Variants in CDH7 observed in about 807,000 individuals in gnomAD.
CDH7 encodes cadherin 7, also known as cadherin-7.
CDH7 carries 25 observed loss-of-function variants against 71.8 expected under a neutral mutation model. The ratio of observed to expected loss-of-function variants is 0.35; its 90% CI spans 0.25 to 0.49. CDH7 has a LOEUF of 0.49. CDH7 is among the 20% of genes least tolerant of loss of function. The pLI, the probability that CDH7 is intolerant of heterozygous loss-of-function variation, is 0.99. For synonymous variants in CDH7, 381 were observed against 363.8 expected, an observed-to-expected ratio of 1.05 and a Z score of -0.54; for missense variants, 862 against 974.6, an observed-to-expected ratio of 0.88 and a Z score of 1.54.
chr18:65,879,037 A>G (rs1030429233), intron 11 of CDH7, among the ~76,000 whole-genome samples: 1 of 152,192 alleles, frequency 6.6e-6, no homozygotes, highest in African/African-American at 2.4e-5. Context: ...GCCAACAGAC[A>G]TTTAAGAAAG....
chr18:65,751,040 A>T lies in CDH7; in HGVS notation c.-307A>T, dbSNP rs955038723. 15 of 152,188 alleles carry T rather than the reference A, an allele frequency of 9.9e-5. No homozygotes were observed. The highest frequency in any genetic ancestry group is 2.9e-5 in the Non-Finnish European group (2 of 68,068). The allele number at this position is 152,188 out of a possible 1,614,324, so 9.4% of individuals were successfully genotyped here. A position where few individuals can be genotyped will look rare whatever the true frequency, so the allele number is the denominator to read the frequency against. On this transcript the variant is annotated 5_prime_UTR_variant, in exon 1 of 12. Coordinates refer to ENST00000397968, the MANE Select transcript of CDH7 (RefSeq NM_004361.5). ...CTGCCCCGCGCGCGGAGCTGCGCGC[A>T]CTGGGTCCCCAAGAGCCCGCGGGCG...
At chr18:65,781,844 T>TCTCTCTCTGTCTCTCTCTC (rs1910233851) in intron 2 of CDH7, among the ~76,000 whole-genome samples, 2 of 98,314 alleles carry the variant, frequency 2.0e-5, no homozygotes, top group African/African-American at 1.3e-4. Flanking sequence ...CTTTCTTTCT[T>TCTCTCTCTGTCTCTCTCTC]TCTTTCTTTC....
intron 2 of CDH7, among the ~76,000 whole-genome samples, chr18:65,808,755 A>G (rs1202851798): frequency 1.3e-5 from 2 of 152,110 alleles, no homozygotes; most frequent in Non-Finnish European, 2.9e-5. Flanking sequence ...AGGGCAGTGA[A>G]AAGCTTTATT....
chr18:65,822,150 C>G lies in CDH7; in HGVS notation c.695C>G (p.Ala232Gly). 1 of 1,612,344 alleles carries G rather than the reference C, an allele frequency of 6.2e-7. No individual in the cohort carries two copies. Among genetic ancestry groups the G allele is most frequent in the Non-Finnish European group, 8.5e-7 (1 of 1,178,534 alleles). ...GACCAGTATTTGCTTGTCATTCAGG[C>G]AAAGGATATGGTTGGTCAAAATGGA... is the stretch of plus-strand genomic sequence containing the variant. ...AKDQYLLVIQ[A>G]KDMVGQNGGL... is the part of the protein sequence containing the mutation. Residue 232 changes from alanine (A) to glycine (G), a missense_variant, in exon 5 of 12, where the codon GCA (alanine) becomes GGA (glycine). Physicochemically the swap from Ala to Gly is moderately conservative, Grantham distance 60 (BLOSUM62 0). Coordinates refer to ENST00000397968, the MANE Select transcript of CDH7 (RefSeq NM_004361.5).
intron 7 of CDH7, among the ~76,000 whole-genome samples, chr18:65,855,151 C>G (rs958402624): frequency 6.6e-6 from 1 of 151,966 alleles, no homozygotes; most frequent in African/African-American, 2.4e-5. Flanking sequence ...ATTATTTTCT[C>G]TCTACTGTCC....
In CDH7 at chr18:65,785,523, G is replaced by A. The variant is rs145267950; in HGVS notation, c.210+22471G>A. Among the ~76,000 whole-genome samples, 1,281 of 151,652 alleles carry A rather than the reference G, an allele frequency of 8.4e-3. 13 individuals carry two copies. Among genetic ancestry groups the A allele is most frequent in the African/African-American group, 0.03 (1,231 of 41,326 alleles). On this transcript the variant is annotated intron_variant, in intron 2 of 11. Transcript: ENST00000397968. ...AAGGTACATTAACAATAAATTCTTAGCCTGCATTCTAAGACAGCTCTGCCC... is the reference window on the plus strand; with the variant it reads ...AAGGTACATTAACAATAAATTCTTAACCTGCATTCTAAGACAGCTCTGCCC...
intron 2 of CDH7, among the ~76,000 whole-genome samples, chr18:65,776,200 C>T (rs147329986): frequency 1.3e-5 from 2 of 151,984 alleles, no homozygotes; most frequent in East Asian, 1.9e-4. Context: ...TTACCTGGGA[C>T]CACAGGTGCA....
At chr18:65,823,921 G>T (rs552883193) in intron 5 of CDH7, among the ~76,000 whole-genome samples, 1 of 151,946 alleles carries the variant, frequency 6.6e-6, no homozygotes, top group African/African-American at 2.4e-5. Flanking sequence ...GAGTGATGTA[G>T]TTCATGTATT....
At position 65,857,927 on chromosome 18, in the gene CDH7, T is replaced by C. The variant is rs1913423178; in HGVS notation, c.1347T>C (p.Asn449=). 20 of 1,613,446 alleles carry C rather than the reference T, an allele frequency of 1.2e-5. No homozygotes were observed. Among genetic ancestry groups the C allele is most frequent in the Non-Finnish European group, 1.6e-5 (19 of 1,179,684 alleles). ...ATCGAGAGACAAATGCTATTCACAA[T>C]ATCACAGTCCTTGCAATGGAGAGCC... ...SLDRETNAIH[N]ITVLAMESQN... is the part of the protein sequence containing the mutation. The change falls in exon 8 of 12, where the codon AAT becomes AAC. Residue 449 remains asparagine (N), a synonymous_variant. Coordinates refer to ENST00000397968, the MANE Select transcript of CDH7 (RefSeq NM_004361.5).
At chr18:65,776,671 A>C (rs2143818490) in intron 2 of CDH7, among the ~76,000 whole-genome samples, 1 of 152,188 alleles carries the variant, frequency 6.6e-6, no homozygotes, top group South Asian at 2.1e-4. Flanking sequence ...TCAGAACTTC[A>C]TTGAATCATC....
intron 6 of CDH7, among the ~76,000 whole-genome samples, chr18:65,831,935 A>C (rs967559175): frequency 2.0e-5 from 3 of 152,144 alleles, no homozygotes; most frequent in African/African-American, 7.2e-5. Context: ...TTGGTCTCCC[A>C]GTCCCTTCTC....
chr18:65,778,813 C>G (rs1340291395), intron 2 of CDH7, among the ~76,000 whole-genome samples: 1 of 151,682 alleles, frequency 6.6e-6, no homozygotes, highest in East Asian at 1.9e-4. Context: ...ATGTTCATAG[C>G]AGCACGTCCC....
intron 11 of CDH7, among the ~76,000 whole-genome samples, chr18:65,867,713 G>A (rs1468019204): frequency 6.6e-6 from 1 of 152,188 alleles, no homozygotes; most frequent in Non-Finnish European, 1.5e-5. Flanking sequence ...GGGTGTTTCT[G>A]TACTTGGACT....
chr18:65,771,006 C>CT (rs1916526761), intron 2 of CDH7, among the ~76,000 whole-genome samples: 1 of 152,110 alleles, frequency 6.6e-6, no homozygotes, highest in African/African-American at 2.4e-5. Context: ...GTGCTCTTGG[C>CT]TTGAGGACAG....
chr18:65,844,179 A>ATATATATATATATATATATATATATATC (rs1912852862), intron 7 of CDH7, 114 bp downstream of exon 7: 1 of 254,874 alleles, frequency 3.9e-6, no homozygotes, highest in Non-Finnish European at 7.1e-6. Flanking sequence ...AACCAGATAT[A>ATATATATATATATATATATATATATATC]TATATATATC....
At chr18:65,765,549 G>A (rs1916332946) in intron 2 of CDH7, among the ~76,000 whole-genome samples, 1 of 151,366 alleles carries the variant, frequency 6.6e-6, no homozygotes, top group Non-Finnish European at 1.5e-5. Context: ...AGAAGAAGAT[G>A]TGAAGAAATG....
intron 1 of CDH7, among the ~76,000 whole-genome samples, chr18:65,752,383 A>G (rs886796919): frequency 2.0e-5 from 3 of 152,246 alleles, no homozygotes; most frequent in Non-Finnish European, 4.4e-5. Flanking sequence ...GAAAGTTTGC[A>G]TAGACACAAT....
intron 2 of CDH7, among the ~76,000 whole-genome samples, chr18:65,773,265 T>C (rs1916598191): frequency 1.3e-5 from 2 of 152,164 alleles, no homozygotes; most frequent in African/African-American, 4.8e-5. Flanking sequence ...AAATCACAGG[T>C]AATGATTTTA....
chr18:65,861,339 T>TGTGTGTG (rs1568226061), intron 10 of CDH7, among the ~76,000 whole-genome samples: 30 of 21,430 alleles, frequency 1.4e-3, no homozygotes, highest in African/African-American at 3.3e-3. Context: ...GTGTGTGTGT[T>TGTGTGTG]TGTGTGTGTG....
Sources: gnomAD v4.1 joint callset for allele counts (sites outside exome capture counted in the v4.1 genomes callset) on GRCh38, gnomAD v4.1.1 for gene constraint, MANE v1.5 for transcripts, NCBI Gene and HGNC (gene_info 2026-07-23, HGNC 2026-07-21) for gene names.